The following OCA2 variants were observed in gnomAD, a reference collection of about 807,000 sequenced individuals.
The protein encoded by OCA2 is P protein.
OCA2 carries 77 observed loss-of-function variants against 100.2 expected under a neutral mutation model. That is an observed-to-expected ratio of 0.77 (90% CI 0.64 to 0.93). The LOEUF (loss-of-function observed/expected upper bound fraction) is 0.93, where lower values mean the gene tolerates loss of function less well. OCA2 is among the 40% of genes least tolerant of loss of function. OCA2 has a pLI of 0.00. For missense variants in OCA2, 1,062 were observed against 1,089.1 expected (o/e 0.98, Z 0.35); for synonymous variants, 432 against 439.2 (o/e 0.98, Z 0.21).
At chr15:27,830,790 C>G (rs2034918351) in intron 23 of OCA2, among the ~76,000 whole-genome samples, 2 of 152,128 alleles carry the variant, frequency 1.3e-5, no homozygotes, top group African/African-American at 4.8e-5. Flanking sequence ...CTGACAAATT[C>G]AATAGCCAGT....
chr15:27,835,763 T>G (rs1406023465), intron 23 of OCA2, among the ~76,000 whole-genome samples: 1 of 152,174 alleles, frequency 6.6e-6, no homozygotes, highest in Non-Finnish European at 1.5e-5. Flanking sequence ...GCCCTCATTC[T>G]CCAGCACCTC....
chr15:27,769,894 T>C (rs983990757), intron 23 of OCA2, among the ~76,000 whole-genome samples: 1 of 107,084 alleles, frequency 9.3e-6, no homozygotes, highest in Non-Finnish European at 1.9e-5. Flanking sequence ...TCGGCCTGTG[T>C]GCAGCGCCTC....
At chr15:28,083,563 AGTT>A in intron 1 of OCA2, among the ~76,000 whole-genome samples, 1 of 152,360 alleles carries the variant, frequency 6.6e-6, no homozygotes, top group Admixed American at 6.5e-5. Context: ...GCTATAAAAA[AGTT>A]GTCTGATTTC....
chr15:27,934,353 T>C (rs1383411197), intron 18 of OCA2, among the ~76,000 whole-genome samples: 1 of 152,144 alleles, frequency 6.6e-6, no homozygotes, highest in Admixed American at 6.5e-5. Flanking sequence ...AACCAGAATG[T>C]TACTTTTCTT....
intron 9 of OCA2, among the ~76,000 whole-genome samples, chr15:28,012,606 A>G (rs2042275515): frequency 6.6e-6 from 1 of 152,184 alleles, no homozygotes. Context: ...AAAGTACAGG[A>G]CTTTTAAAAT....
At chr15:28,085,264 C>T (rs2044758580) in intron 1 of OCA2, among the ~76,000 whole-genome samples, 1 of 152,182 alleles carries the variant, frequency 6.6e-6, no homozygotes, top group Admixed American at 6.5e-5. Context: ...ACACACCCTT[C>T]CCCCTTTCAC....
intron 3 of OCA2, among the ~76,000 whole-genome samples, chr15:28,029,250 T>G (rs1490412740): frequency 6.6e-6 from 1 of 152,234 alleles, no homozygotes; most frequent in Non-Finnish European, 1.5e-5. Flanking sequence ...AGCGTAGAGA[T>G]GCCAATTAGG....
chr15:28,082,207 T>G (rs2044659420), intron 1 of OCA2, among the ~76,000 whole-genome samples: 1 of 152,112 alleles, frequency 6.6e-6, no homozygotes, highest in Non-Finnish European at 1.5e-5. Context: ...CAGCACTCTG[T>G]ACAGTGGACC....
At chr15:27,746,156 C>T in the OCA2 span, among the ~76,000 whole-genome samples, 1 of 152,198 alleles carries the variant, frequency 6.6e-6, no homozygotes, top group Non-Finnish European at 1.5e-5. Context: ...TCTTCATCAA[C>T]ATTAAAATTA....
rs188113135 is a variant in OCA2 at position 27,821,482 on chromosome 15, G to A, written c.2432+23477C>T. ...CACATGCAGGCACAACTATGCATATGCACGCACACCCACACAGGTATACAT... is the reference window on the plus strand; with the variant it reads ...CACATGCAGGCACAACTATGCATATACACGCACACCCACACAGGTATACAT... On this transcript the variant is annotated intron_variant, in intron 23 of 23. Transcript: ENST00000354638. Among the ~76,000 whole-genome samples the A allele has an allele frequency of 2.0e-3, 307 of 151,996 alleles. 5 individuals carry two copies. The highest frequency in any genetic ancestry group is 4.2e-3 in the South Asian group (20 of 4,806).
intron 1 of OCA2, among the ~76,000 whole-genome samples, chr15:28,095,136 C>T (rs1170062161): frequency 3.9e-5 from 6 of 152,240 alleles, no homozygotes; most frequent in African/African-American, 1.4e-4. Flanking sequence ...CCCGGCCTTT[C>T]CCGCTGGTAC....
chr15:27,941,239 C>T (rs1231917709), intron 18 of OCA2, among the ~76,000 whole-genome samples: 2 of 152,106 alleles, frequency 1.3e-5, no homozygotes, highest in Non-Finnish European at 2.9e-5. Context: ...AGTAATCATT[C>T]GATGTGAGAA....
Position 27,913,847 on chromosome 15 carries a change from G to A in OCA2, c.2079+12280C>T, listed in dbSNP as rs1315432779. ...GAAAGAAAGAAAGAAAGGAAAGAAA[G>A]AAAGAAAGAAAGAAAGAAAGAAAGA... is the stretch of plus-strand genomic sequence containing the variant. On this transcript the variant is annotated intron_variant, in intron 19 of 23. Transcript: ENST00000354638. 1.0e-4 allele frequency among the ~76,000 whole-genome samples: 3 copies of A among 29,358 alleles called. 1 individual carries two copies. The highest frequency in any genetic ancestry group is 1.8e-4 in the Non-Finnish European group (3 of 16,596). 19.3% of individuals were successfully genotyped at this position (29,358 alleles called of 152,430 possible).
the OCA2 span, among the ~76,000 whole-genome samples, chr15:27,728,343 G>GA: frequency 6.0e-5 from 9 of 149,990 alleles, no homozygotes; most frequent in Admixed American, 2.6e-4. Context: ...TTTGAGGCAA[G>GA]AAAAAAAAAT....
intron 23 of OCA2, among the ~76,000 whole-genome samples, chr15:27,769,171 G>A (rs1362679996): frequency 1.3e-5 from 2 of 152,130 alleles, no homozygotes; most frequent in East Asian, 1.9e-4. Flanking sequence ...ATCACACTAC[G>A]CCTTCATCTC....
the OCA2 span, among the ~76,000 whole-genome samples, chr15:27,734,213 G>A: frequency 7.3e-6 from 1 of 136,190 alleles, no homozygotes; most frequent in East Asian, 2.1e-4. Context: ...GCAGAATAGT[G>A]CAATCACTCT....
chr15:27,840,237 A>C (rs550044422), intron 23 of OCA2, among the ~76,000 whole-genome samples: 1 of 152,270 alleles, frequency 6.6e-6, no homozygotes, highest in East Asian at 1.9e-4. Flanking sequence ...GCAGCAATGA[A>C]CAAGGCAGAA....
chr15:27,918,804 A>G (rs1013716738), intron 19 of OCA2, among the ~76,000 whole-genome samples: 3 of 152,220 alleles, frequency 2.0e-5, no homozygotes, highest in Non-Finnish European at 4.4e-5. Flanking sequence ...TAGTGCTCAC[A>G]TGATGAAACT....
intron 19 of OCA2, among the ~76,000 whole-genome samples, chr15:27,879,263 C>T (rs943097081): frequency 6.6e-5 from 10 of 152,126 alleles, no homozygotes; most frequent in African/African-American, 2.4e-4. Context: ...CATTGTAGGG[C>T]ATTTGGGATG....
Sources: gnomAD v4.1 joint callset for allele counts (sites outside exome capture counted in the v4.1 genomes callset) on GRCh38, gnomAD v4.1.1 for gene constraint, MANE v1.5 for transcripts, NCBI Gene and HGNC (gene_info 2026-07-23, HGNC 2026-07-21) for gene names.